The following ACYP2 variants were observed in gnomAD, a reference collection of about 807,000 sequenced individuals.
ACYP2 encodes the protein acylphosphatase 2.
A neutral mutation model predicts 11.2 loss-of-function variants in ACYP2; 12 were observed. The ratio of observed to expected loss-of-function variants is 1.08; its 90% CI spans 0.69 to 1.74. ACYP2 has a LOEUF of 1.74. Among genes scored for constraint, ACYP2 ranks in the 40% most tolerant of loss-of-function variants. The pLI is 0.00. For missense variants in ACYP2, 134 were observed against 101.9 expected (o/e 1.31, Z -1.35); for synonymous variants, 43 against 32.2 (o/e 1.33, Z -1.13).
chr2:54,072,178 G>T (rs1305375566), intron 4 of ACYP2, among the ~76,000 whole-genome samples: 1 of 152,114 alleles, frequency 6.6e-6, no homozygotes, highest in Non-Finnish European at 1.5e-5. Flanking sequence ...AATTAAAGAA[G>T]ATCTAAATAA....
chr2:54,253,574 A>C (rs1207664133), intron 6 of ACYP2: 1 of 152,216 alleles, frequency 6.6e-6, no homozygotes, highest in African/African-American at 2.4e-5. Flanking sequence ...CTATTCTTCT[A>C]CGTGCATACT....
intron 4 of ACYP2, among the ~76,000 whole-genome samples, chr2:54,124,599 G>C (rs987074215): frequency 7.9e-5 from 12 of 152,178 alleles, no homozygotes; most frequent in African/African-American, 2.9e-4. Context: ...AGTTTGTCAA[G>C]AAGTATGAAT....
At position 54,132,570 on chromosome 2, in the gene ACYP2, GTATCCTC is replaced by G. The variant is rs1680970311; in HGVS notation, c.278-2881_278-2875del. 2.0e-5 allele frequency among the ~76,000 whole-genome samples: 3 copies of G among 152,034 alleles called. No individual in the cohort carries two copies. In the South Asian group the frequency reaches 6.2e-4, roughly 32 times the overall value. On this transcript the variant is annotated intron_variant, in intron 4 of 6. Transcript: ENST00000607452. ...ATCTAAGCTACTGATGCTTTCTTCT[GTATCCTC>G]TTAACCAGGCTTAACTGCTGTATGT... is the stretch of plus-strand genomic sequence containing the variant.
intron 6 of ACYP2, among the ~76,000 whole-genome samples, chr2:54,198,887 C>T (rs557224367): frequency 1.6e-3 from 247 of 152,172 alleles, no homozygotes; most frequent in Non-Finnish European, 2.5e-3. Flanking sequence ...TTTCACTTCT[C>T]GTTCCGTGCC....
At chr2:54,121,450 C>G (rs1405484228) in intron 4 of ACYP2, among the ~76,000 whole-genome samples, 1 of 152,218 alleles carries the variant, frequency 6.6e-6, no homozygotes, top group African/African-American at 2.4e-5. Flanking sequence ...AGACCTGTCC[C>G]TGTCTACCGA....
chr2:54,011,752 C>G (rs1188219454), intron 2 of ACYP2, among the ~76,000 whole-genome samples: 1 of 150,344 alleles, frequency 6.7e-6, no homozygotes, highest in Non-Finnish European at 1.5e-5. Flanking sequence ...TTTTTTTAAT[C>G]TAATCTTTGT....
At chr2:54,262,839 C>A (rs1687841398) in intron 6 of ACYP2, among the ~76,000 whole-genome samples, 1 of 152,060 alleles carries the variant, frequency 6.6e-6, no homozygotes, top group Admixed American at 6.5e-5. Context: ...TTAGGTACAA[C>A]TGTATCAACC....
chr2:54,212,814 T>C (rs1423583048), intron 6 of ACYP2, among the ~76,000 whole-genome samples: 14 of 143,128 alleles, frequency 9.8e-5, no homozygotes, highest in Admixed American at 5.6e-4. Flanking sequence ...TGTACAAAAA[T>C]ATTCAAAAAG....
At chr2:54,108,731 G>A (rs573404785) in intron 4 of ACYP2, among the ~76,000 whole-genome samples, 1 of 151,982 alleles carries the variant, frequency 6.6e-6, no homozygotes, top group South Asian at 2.1e-4. Flanking sequence ...GCCATTTTTT[G>A]CCTCCTTGGT....
At chr2:54,208,453 G>A (rs11125528) in intron 6 of ACYP2, among the ~76,000 whole-genome samples, 354 of 151,932 alleles carry the variant, frequency 2.3e-3, no homozygotes, top group Middle Eastern at 0.01. Flanking sequence ...GCAGGGGGTG[G>A]GATGTTTCTT....
chr2:54,227,217 A>G (rs1238796559), intron 6 of ACYP2, among the ~76,000 whole-genome samples: 8 of 152,286 alleles, frequency 5.3e-5, no homozygotes, highest in African/African-American at 1.4e-4. Context: ...ATAAGTTTCT[A>G]TTTTTCCAAA....
chr2:54,161,445 C>T (rs761586790), intron 6 of ACYP2, among the ~76,000 whole-genome samples: 2 of 152,218 alleles, frequency 1.3e-5, no homozygotes, highest in African/African-American at 4.8e-5. Flanking sequence ...AGGAGTTACT[C>T]AAGGGCGTAT....
At chr2:54,250,817 T>C (rs368449668) in intron 6 of ACYP2, among the ~76,000 whole-genome samples, 25 of 152,342 alleles carry the variant, frequency 1.6e-4, no homozygotes, top group South Asian at 1.2e-3. Context: ...TATAATTCTA[T>C]AGAAGTTTTT....
intron 2 of ACYP2, among the ~76,000 whole-genome samples, chr2:53,981,035 A>G (rs1246392695): frequency 6.6e-6 from 1 of 152,184 alleles, no homozygotes. Flanking sequence ...TACAGGTGTG[A>G]GCCACCACAC....
In ACYP2 at chr2:54,227,422, C is replaced by T. The variant is rs138233937; in HGVS notation, c.405-77266C>T. 5.8e-3 allele frequency among the ~76,000 whole-genome samples: 876 copies of T among 152,152 alleles called. 1 individual carries two copies. The highest frequency in any genetic ancestry group is 0.026 in the South Asian group (123 of 4,808). On this transcript the variant is annotated intron_variant, in intron 6 of 6. Transcript: ENST00000607452. ...TTGGGAGGTCAATGTGGGCAGATCA[C>T]GAGGTCAGGAGATCGAGACCATCCT...
chr2:54,013,847 A>C (rs1384949922), intron 2 of ACYP2, among the ~76,000 whole-genome samples: 1 of 152,162 alleles, frequency 6.6e-6, no homozygotes, highest in Non-Finnish European at 1.5e-5. Flanking sequence ...ATTTGTGGTT[A>C]CAATGGAAGG....
chr2:53,997,665 A>G (rs1485868611), intron 2 of ACYP2, among the ~76,000 whole-genome samples: 1 of 152,090 alleles, frequency 6.6e-6, no homozygotes, highest in Admixed American at 6.6e-5. Flanking sequence ...TTTCAGCTCT[A>G]TGTCATTTCC....
At chr2:54,042,116 C>T (rs1675265449) in intron 2 of ACYP2, among the ~76,000 whole-genome samples, 2 of 152,122 alleles carry the variant, frequency 1.3e-5, no homozygotes, top group Admixed American at 1.3e-4. Context: ...AAGCAATTCT[C>T]CTGCCTCAGC....
chr2:54,045,617 C>G (rs1380057430), intron 2 of ACYP2, among the ~76,000 whole-genome samples: 2 of 147,636 alleles, frequency 1.4e-5, no homozygotes, highest in Non-Finnish European at 3.0e-5. Context: ...GAGATCGAGA[C>G]CATCCTGGCT....
Sources: gnomAD v4.1 joint callset for allele counts (sites outside exome capture counted in the v4.1 genomes callset) on GRCh38, gnomAD v4.1.1 for gene constraint, MANE v1.5 for transcripts, NCBI Gene and HGNC (gene_info 2026-07-23, HGNC 2026-07-21) for gene names.